The following PTPRT variants were observed in gnomAD, a reference collection of about 807,000 sequenced individuals.
The protein encoded by PTPRT is receptor-type tyrosine-protein phosphatase T.
Under a neutral mutation model 176.8 loss-of-function variants are expected in PTPRT, and 56 were observed. That is an observed-to-expected ratio of 0.32 (90% CI 0.26 to 0.40). PTPRT has a LOEUF of 0.40. PTPRT is among the 10% of genes least tolerant of loss of function. The pLI, the probability that PTPRT is intolerant of heterozygous loss-of-function variation, is 1.00. For synonymous variants in PTPRT, 783 were observed against 739.0 expected, an observed-to-expected ratio of 1.06 and a Z score of -0.96; for missense variants, 1,540 against 1,908.2, an observed-to-expected ratio of 0.81 and a Z score of 3.60.
intron 16 of PTPRT, among the ~76,000 whole-genome samples, chr20:42,197,645 A>T (rs557556726): frequency 6.6e-6 from 1 of 152,062 alleles, no homozygotes; most frequent in Non-Finnish European, 1.5e-5. Context: ...CCTAGTTCTT[A>T]GGAAATACAT....
At chr20:42,438,191 AC>A (rs2059279804) in intron 9 of PTPRT, among the ~76,000 whole-genome samples, 2 of 152,214 alleles carry the variant, frequency 1.3e-5, no homozygotes, top group African/African-American at 4.8e-5. Flanking sequence ...CCACGCCCTG[AC>A]AAATGCAGAA....
chr20:42,306,737 G>A (rs6016739), intron 12 of PTPRT, among the ~76,000 whole-genome samples: 4,455 of 152,258 alleles, frequency 0.029, 242 homozygotes, highest in African/African-American at 0.1. Context: ...TTGGAAGACC[G>A]TTGCTTTTCA....
chr20:42,977,379 A>T (rs984883524), intron 1 of PTPRT, among the ~76,000 whole-genome samples: 6 of 152,220 alleles, frequency 3.9e-5, no homozygotes, highest in Admixed American at 3.9e-4. Flanking sequence ...TCTTCCACCC[A>T]AAACTTTTTG....
chr20:43,070,831 G>T (rs547198868), intron 1 of PTPRT, among the ~76,000 whole-genome samples: 1 of 151,750 alleles, frequency 6.6e-6, no homozygotes, highest in East Asian at 2.0e-4. Context: ...GTTGTGGGGT[G>T]GGGGGAAGGA....
chr20:43,014,046 A>C (rs1325448162), intron 1 of PTPRT, among the ~76,000 whole-genome samples: 1 of 152,218 alleles, frequency 6.6e-6, no homozygotes, highest in Non-Finnish European at 1.5e-5. Flanking sequence ...TTCTTTCATT[A>C]CCAACTGGAT....
At chr20:42,467,937 C>T (rs975908295) in intron 8 of PTPRT, among the ~76,000 whole-genome samples, 4 of 152,174 alleles carry the variant, frequency 2.6e-5, no homozygotes, top group Admixed American at 1.3e-4. Flanking sequence ...CAATAAATAG[C>T]AGTCAAAGTG....
At chr20:42,652,656 T>C (rs2075053322) in intron 7 of PTPRT, among the ~76,000 whole-genome samples, 2 of 152,174 alleles carry the variant, frequency 1.3e-5, no homozygotes, top group Non-Finnish European at 2.9e-5. Flanking sequence ...ACTGAAGACA[T>C]TGATGCCTAT....
intron 11 of PTPRT, among the ~76,000 whole-genome samples, chr20:42,349,369 C>A (rs2058243220): frequency 6.6e-6 from 1 of 152,230 alleles, no homozygotes; most frequent in Non-Finnish European, 1.5e-5. Flanking sequence ...GACACTCTTA[C>A]AACGTTGGTG....
chr20:42,107,658 C>T (rs1159006037), intron 23 of PTPRT, among the ~76,000 whole-genome samples: 1 of 152,230 alleles, frequency 6.6e-6, no homozygotes, highest in Non-Finnish European at 1.5e-5. Flanking sequence ...AGACATGTGC[C>T]TTACACATGT....
chr20:42,086,197 C>T (rs1392324825), intron 27 of PTPRT, among the ~76,000 whole-genome samples: 1 of 152,114 alleles, frequency 6.6e-6, no homozygotes, highest in Admixed American at 6.5e-5. Flanking sequence ...TCCCAGCCTC[C>T]CAGAGTGCTA....
intron 1 of PTPRT, among the ~76,000 whole-genome samples, chr20:43,022,304 G>A (rs1985720071): frequency 6.6e-6 from 1 of 152,142 alleles, no homozygotes. Flanking sequence ...TGGATTGCTG[G>A]CAATGGGCCC....
At chr20:42,988,689 G>T (rs540174646) in intron 1 of PTPRT, among the ~76,000 whole-genome samples, 1 of 152,224 alleles carries the variant, frequency 6.6e-6, no homozygotes, top group Non-Finnish European at 1.5e-5. Context: ...GACAGTGGCT[G>T]CAGGGAAATA....
At chr20:42,953,820 T>C (rs1209283310) in intron 1 of PTPRT, among the ~76,000 whole-genome samples, 1 of 152,200 alleles carries the variant, frequency 6.6e-6, no homozygotes, top group Non-Finnish European at 1.5e-5. Flanking sequence ...CAGATTCTTC[T>C]CTGTTTAGGG....
intron 16 of PTPRT, among the ~76,000 whole-genome samples, chr20:42,172,294 C>T: frequency 6.6e-6 from 1 of 152,140 alleles, no homozygotes; most frequent in East Asian, 1.9e-4. Flanking sequence ...AAAGCTGGCT[C>T]TTTCCTTTGA....
chr20:42,452,507 G>A (rs1046001432), intron 8 of PTPRT, among the ~76,000 whole-genome samples: 1 of 152,002 alleles, frequency 6.6e-6, no homozygotes, highest in African/African-American at 2.4e-5. Flanking sequence ...AAAGTGTAGT[G>A]GGGGACGAAT....
chr20:42,483,406 C>T (rs1349968978), intron 7 of PTPRT, among the ~76,000 whole-genome samples: 1 of 152,200 alleles, frequency 6.6e-6, no homozygotes, highest in Non-Finnish European at 1.5e-5. Context: ...TCAAGTGATC[C>T]ACCCGCCTTG....
chr20:42,561,753 G>A (rs754285471), intron 7 of PTPRT, among the ~76,000 whole-genome samples: 14 of 152,182 alleles, frequency 9.2e-5, no homozygotes, highest in Non-Finnish European at 1.8e-4. Flanking sequence ...CAGTAAGCAG[G>A]TGCTGCCAGT....
At chr20:42,824,048 T>C (rs1469869316) in intron 2 of PTPRT, among the ~76,000 whole-genome samples, 1 of 151,930 alleles carries the variant, frequency 6.6e-6, no homozygotes, top group African/African-American at 2.4e-5. Context: ...TAACTAGGAA[T>C]CAACTTAAAC....
intron 1 of PTPRT, among the ~76,000 whole-genome samples, chr20:43,127,952 A>G (rs2013506653): frequency 6.6e-6 from 1 of 152,122 alleles, no homozygotes; most frequent in African/African-American, 2.4e-5. Context: ...ATAGCTGCAA[A>G]TCTGGATACT....
Sources: gnomAD v4.1 joint callset for allele counts (sites outside exome capture counted in the v4.1 genomes callset) on GRCh38, gnomAD v4.1.1 for gene constraint, MANE v1.5 for transcripts, NCBI Gene and HGNC (gene_info 2026-07-23, HGNC 2026-07-21) for gene names.